GALNT13: variants seen among roughly 807,000 people sequenced by gnomAD.
GALNT13 encodes polypeptide N-acetylgalactosaminyltransferase 13, also known as UDP-GalNAc:polypeptide N-acetylgalactosaminyltransferase 13.
GALNT13 carries 28 observed loss-of-function variants against 64.2 expected under a neutral mutation model. That is an observed-to-expected ratio of 0.44 (90% confidence interval 0.32 to 0.60). GALNT13 has a LOEUF of 0.60. Ranked by LOEUF, GALNT13 falls within the 20% of genes least tolerant of loss-of-function variation. GALNT13 has a pLI of 0.05. For synonymous variants in GALNT13, 214 were observed against 224.6 expected, an observed-to-expected ratio of 0.95 and a Z score of 0.42; for missense variants, 577 against 669.8, an observed-to-expected ratio of 0.86 and a Z score of 1.53.
chr2:154,106,757 A>ATAAT (rs1702638436), intron 3 of GALNT13, among the ~76,000 whole-genome samples: 1 of 151,942 alleles, frequency 6.6e-6, no homozygotes. Context: ...TTGATAATTT[A>ATAAT]TAATTATATA....
the GALNT13 span, among the ~76,000 whole-genome samples, chr2:153,180,397 T>C: frequency 9.2e-5 from 14 of 152,308 alleles, no homozygotes; most frequent in South Asian, 2.9e-3. Flanking sequence ...TGATGAATGA[T>C]CCTTTAATGT....
At chr2:153,724,893 T>G in the GALNT13 span, among the ~76,000 whole-genome samples, 1 of 151,300 alleles carries the variant, frequency 6.6e-6, no homozygotes, top group African/African-American at 2.4e-5. Flanking sequence ...TGGAAGTCAG[T>G]GTGGCCATTC....
In GALNT13 at chr2:153,900,925, T is replaced by G. The variant is rs184976365; in HGVS notation, c.-176-11T>G. ...ATTGTTTACTCTTTTGGATTTTTTC[T>G]TCCTCCACAGATGCATTTTTGTAGA... is the stretch of plus-strand genomic sequence containing the variant. On this transcript the variant is annotated splice_polypyrimidine_tract_variant and intron_variant, in intron 1 of 12. Transcript: ENST00000392825. The G allele has an allele frequency of 6.6e-5, 10 of 152,340 alleles. No individual in the cohort carries two copies. The East Asian group carries it at 1.9e-3, about 29-fold the overall frequency. 9.4% of individuals were successfully genotyped at this position (152,340 alleles called of 1,614,324 possible).
At chr2:153,281,452 T>G in the GALNT13 span, among the ~76,000 whole-genome samples, 1 of 152,316 alleles carries the variant, frequency 6.6e-6, no homozygotes, top group Non-Finnish European at 1.5e-5. Context: ...CTTTGTAGTT[T>G]CAAATGTGTG....
At chr2:154,130,433 A>T (rs947659846) in intron 3 of GALNT13, among the ~76,000 whole-genome samples, 1 of 152,194 alleles carries the variant, frequency 6.6e-6, no homozygotes, top group Non-Finnish European at 1.5e-5. Flanking sequence ...CCAGCATTAG[A>T]TTTAATTTTA....
the GALNT13 span, among the ~76,000 whole-genome samples, chr2:153,767,405 T>C: frequency 6.6e-6 from 1 of 152,132 alleles, no homozygotes. Flanking sequence ...TGTACTGCAA[T>C]GAATGTATGA....
At chr2:154,446,594 C>T in intron 12 of GALNT13, 2 of 1,546,382 alleles carry the variant, frequency 1.3e-6, no homozygotes, top group Middle Eastern at 1.7e-4. Context: ...ATATAATCAC[C>T]CAGTCTTGTC....
the GALNT13 span, among the ~76,000 whole-genome samples, chr2:153,418,380 C>T: frequency 0.22 from 33,247 of 151,992 alleles, 3,884 homozygotes; most frequent in Non-Finnish European, 0.25. Flanking sequence ...ATTTGTGTTG[C>T]TTTAAACCAC....
At chr2:154,376,843 A>G (rs1222225532) in intron 9 of GALNT13, among the ~76,000 whole-genome samples, 4 of 152,142 alleles carry the variant, frequency 2.6e-5, no homozygotes, top group African/African-American at 7.2e-5. Context: ...CCCCTAAACT[A>G]TAGTAAATAT....
intron 9 of GALNT13, among the ~76,000 whole-genome samples, chr2:154,360,233 C>T (rs1273121699): frequency 6.6e-6 from 1 of 152,074 alleles, no homozygotes; most frequent in African/African-American, 2.4e-5. Flanking sequence ...TGATGGATAG[C>T]TTTTGTTAAA....
the GALNT13 span, among the ~76,000 whole-genome samples, chr2:153,583,734 A>G: frequency 6.6e-6 from 1 of 152,196 alleles, no homozygotes; most frequent in Non-Finnish European, 1.5e-5. Flanking sequence ...ATAAGACATC[A>G]TTCTTGATCC....
chr2:153,450,354 A>G, the GALNT13 span, among the ~76,000 whole-genome samples: 1 of 152,222 alleles, frequency 6.6e-6, no homozygotes, highest in East Asian at 1.9e-4. Context: ...TCAACAAGTT[A>G]GTTTTTGTTA....
chr2:154,415,200 C>T (rs1462312849), intron 11 of GALNT13, among the ~76,000 whole-genome samples: 1 of 151,134 alleles, frequency 6.6e-6, no homozygotes, highest in Non-Finnish European at 1.5e-5. Context: ...ATTAACATAA[C>T]ATTTATAACA....
At chr2:153,386,377 C>T in the GALNT13 span, among the ~76,000 whole-genome samples, 30 of 152,024 alleles carry the variant, frequency 2.0e-4, no homozygotes, top group African/African-American at 7.2e-4. Context: ...GTAAAAGCAT[C>T]ATCTTGAGAG....
intron 12 of GALNT13, among the ~76,000 whole-genome samples, chr2:154,444,378 A>G: frequency 6.6e-6 from 1 of 152,168 alleles, no homozygotes; most frequent in East Asian, 1.9e-4. Flanking sequence ...AAAGTTTTTA[A>G]AAAACATAAA....
the GALNT13 span, among the ~76,000 whole-genome samples, chr2:153,333,924 C>T: frequency 6.6e-6 from 1 of 152,092 alleles, no homozygotes; most frequent in African/African-American, 2.4e-5. Context: ...TTCCTGAACC[C>T]TAGGATGAAC....
the GALNT13 span, among the ~76,000 whole-genome samples, chr2:153,496,993 C>CAAAAA: frequency 3.9e-4 from 35 of 90,686 alleles, no homozygotes; most frequent in Admixed American, 6.0e-4. Flanking sequence ...GATTTTGTCT[C>CAAAAA]AAAAAAAAAA....
chr2:153,237,826 C>A, the GALNT13 span, among the ~76,000 whole-genome samples: 2 of 152,040 alleles, frequency 1.3e-5, no homozygotes, highest in African/African-American at 2.4e-5. Flanking sequence ...ATAATAATTT[C>A]TTTTCTTTTG....
intron 4 of GALNT13, among the ~76,000 whole-genome samples, chr2:154,179,273 AT>A (rs1295972750): frequency 1.8e-4 from 27 of 152,122 alleles, no homozygotes; most frequent in Admixed American, 4.6e-4. Flanking sequence ...ATCAGAGACT[AT>A]TTTTTGTCTA....
Sources: allele counts gnomAD v4.1 joint callset (sites outside exome capture counted in the v4.1 genomes callset), GRCh38; gene constraint gnomAD v4.1.1; transcripts MANE v1.5; gene names NCBI Gene and HGNC (gene_info 2026-07-23, HGNC 2026-07-21).